PCDHGA10: variants seen among roughly 807,000 people sequenced by gnomAD.
The protein encoded by PCDHGA10 is protocadherin gamma-A10.
A neutral mutation model predicts 59.5 loss-of-function variants in PCDHGA10; 42 were observed. The ratio of observed to expected loss-of-function variants is 0.71; its 90% CI spans 0.55 to 0.91. The LOEUF (loss-of-function observed/expected upper bound fraction) is 0.91. Ranked by LOEUF, PCDHGA10 falls within the 40% of genes least tolerant of loss-of-function variation. The probability of loss-of-function intolerance (pLI) is 0.00; values close to 1 mark genes in which losing one functional copy is unlikely to be tolerated. For synonymous variants in PCDHGA10, 511 were observed against 517.2 expected, an observed-to-expected ratio of 0.99 and a Z score of 0.16; for missense variants, 1,111 against 1,198.2, an observed-to-expected ratio of 0.93 and a Z score of 1.07.
At chr5:141,464,759 ACAGG>A (rs2099090169) in intron 1 of PCDHGA10, among the ~76,000 whole-genome samples, 1 of 152,158 alleles carries the variant, frequency 6.6e-6, no homozygotes, top group Non-Finnish European at 1.5e-5. Context: ...TTTTTTAGAG[ACAGG>A]AATCTTGTTC....
intron 1 of PCDHGA10, among the ~76,000 whole-genome samples, chr5:141,473,942 GC>G (rs1443545533): frequency 1.3e-5 from 2 of 152,124 alleles, no homozygotes; most frequent in African/African-American, 4.8e-5. Context: ...AGTAGCTCAG[GC>G]CTGTAGTCCC....
At chr5:141,475,987 C>A in intron 1 of PCDHGA10, 2 of 1,101,540 alleles carry the variant, frequency 1.8e-6, no homozygotes, top group Non-Finnish European at 2.6e-6. Flanking sequence ...AGCCGGCGAG[C>A]AAATCAACGG....
intron 1 of PCDHGA10, chr5:141,416,346 T>A (rs2096017940): frequency 6.6e-6 from 1 of 152,238 alleles, no homozygotes; most frequent in African/African-American, 2.4e-5. Flanking sequence ...TCAATAGGGA[T>A]CCTGAGGAGG....
At chr5:141,442,111 C>G (rs1265830634) in intron 1 of PCDHGA10, 1 of 166,236 alleles carries the variant, frequency 6.0e-6, no homozygotes, top group Non-Finnish European at 1.3e-5. Context: ...CACTACCGCC[C>G]CTCGTCGCCG....
At chr5:141,449,212 GT>G (rs1405401595) in intron 1 of PCDHGA10, among the ~76,000 whole-genome samples, 1 of 152,134 alleles carries the variant, frequency 6.6e-6, no homozygotes, top group African/African-American at 2.4e-5. Context: ...CTAACTTTCT[GT>G]TTTGAAATGA....
intron 1 of PCDHGA10, chr5:141,427,957 C>T: frequency 2.5e-6 from 4 of 1,588,402 alleles, no homozygotes; most frequent in South Asian, 1.1e-5. Context: ...GACAATGTGC[C>T]GCGGGTGCTG....
In PCDHGA10 at chr5:141,510,353, C is replaced by G. The variant is rs74759939; in HGVS notation, c.2585-594C>G. On this transcript the variant is annotated intron_variant, in intron 3 of 3. Transcript: ENST00000398610. ...CACCCCCACCCCACACACTTACTAA[C>G]GGAACTACCGAATCTCTACTCGTGC... is the stretch of plus-strand genomic sequence containing the variant. Among the ~76,000 whole-genome samples the G allele has an allele frequency of 1.9e-4, 28 of 146,588 alleles. No homozygotes were observed. The East Asian group carries it at 5.6e-3, about 29-fold the overall frequency.
At chr5:141,509,823 TTCTC>T (rs2099878456) in intron 3 of PCDHGA10, among the ~76,000 whole-genome samples, 1 of 152,170 alleles carries the variant, frequency 6.6e-6, no homozygotes, top group Non-Finnish European at 1.5e-5. Flanking sequence ...CTTCTCCATC[TTCTC>T]TCTACCTCCC....
Position 141,415,438 on chromosome 5 carries a change from C to A in PCDHGA10, c.2263C>A (p.Gln755Lys). ...CGTGGACGGGGTTCGGGCTTTCCTG[C>A]AGACCTATTCCCACGAGGTCTCTCT... ...VGVDGVRAFLQTYSHEVSLTA... is the reference protein window; with the variant it reads ...VGVDGVRAFLKTYSHEVSLTA... Residue 755 changes from glutamine (Q) to lysine (K), a missense_variant, in exon 1 of 4, where the codon CAG becomes AAG. Transcript: ENST00000398610. 6.2e-7 allele frequency: 1 copy of A among 1,614,218 alleles called. No individual in the cohort carries two copies. The highest frequency in any genetic ancestry group is 1.1e-5 in the South Asian group (1 of 91,086).
At position 141,491,899 on chromosome 5, in the gene PCDHGA10, G is replaced by A; in HGVS notation, c.2437-2908G>A. The A allele has an allele frequency of 7.0e-7, 1 of 1,433,322 alleles. No homozygotes were observed. Among genetic ancestry groups the A allele is most frequent in the South Asian group, 1.5e-5 (1 of 67,156 alleles). The allele number at this position is 1,433,322 out of a possible 1,614,324, so 88.8% of individuals were successfully genotyped here. A position where few individuals can be genotyped will look rare whatever the true frequency, so the allele number is the denominator to read the frequency against. On this transcript the variant is annotated intron_variant, in intron 1 of 3. Coordinates refer to ENST00000398610, the MANE Select transcript of PCDHGA10 (RefSeq NM_018913.3). The surrounding 1 kb of genome is among the most constrained non-coding windows in gnomAD (Gnocchi z 6.9). ...TTAAGGGATGGGGCTCCGAGCACCG[G>A]GGGTGGTGGCGACTGTGGGCGAGGG... is the stretch of plus-strand genomic sequence containing the variant.
intron 1 of PCDHGA10, among the ~76,000 whole-genome samples, chr5:141,474,412 C>A (rs1282336092): frequency 6.6e-6 from 1 of 152,220 alleles, no homozygotes; most frequent in Non-Finnish European, 1.5e-5. Flanking sequence ...CCGGTGATGC[C>A]TAGACCATTG....
chr5:141,485,676 G>A lies in PCDHGA10; in HGVS notation c.2437-9131G>A. The A allele has an allele frequency of 6.2e-7, 1 of 1,612,928 alleles. No individual in the cohort carries two copies. The highest frequency in any genetic ancestry group is 2.2e-5 in the East Asian group (1 of 44,848). On this transcript the variant is annotated intron_variant, in intron 1 of 3. Coordinates refer to ENST00000398610, the MANE Select transcript of PCDHGA10 (RefSeq NM_018913.3). This position sits in a 1 kb window ranked among gnomAD's most constrained non-coding sequence, Gnocchi z 5.7. ...GCAGATGTGGGGAGCAATTCGATTA[G>A]CAGCTATAGGCTGAGCTCCAATGAA...
intron 1 of PCDHGA10, among the ~76,000 whole-genome samples, chr5:141,460,117 T>G (rs1454761302): frequency 6.6e-6 from 1 of 151,982 alleles, no homozygotes; most frequent in Non-Finnish European, 1.5e-5. Context: ...ATGATTTTTA[T>G]ATATGTAATA....
At chr5:141,464,120 C>G (rs1297254980) in intron 1 of PCDHGA10, among the ~76,000 whole-genome samples, 1 of 151,976 alleles carries the variant, frequency 6.6e-6, no homozygotes, top group African/African-American at 2.4e-5. Flanking sequence ...CAAAAATTAG[C>G]TGGGTGTGGT....
At chr5:141,508,604 A>G (rs2099870124) in intron 3 of PCDHGA10, among the ~76,000 whole-genome samples, 1 of 152,150 alleles carries the variant, frequency 6.6e-6, no homozygotes, top group African/African-American at 2.4e-5. Flanking sequence ...TCTTGGGTGC[A>G]CATAGGACGT....
rs1192899612 is a variant in PCDHGA10, at chr5:141,413,151, T to C, written c.-25T>C. On this transcript the variant is annotated 5_prime_UTR_variant, in exon 1 of 4. Coordinates refer to ENST00000398610, the MANE Select transcript of PCDHGA10 (RefSeq NM_018913.3). ...CACACAACGTGTCCAGTGAGGACTTTGCAGAATTCTGTAACCAGACTACAA... is the reference window on the plus strand; with the variant it reads ...CACACAACGTGTCCAGTGAGGACTTCGCAGAATTCTGTAACCAGACTACAA... The C allele has an allele frequency of 3.2e-6, 5 of 1,573,560 alleles. No homozygotes were observed. Among genetic ancestry groups the C allele is most frequent in the South Asian group, 1.2e-5 (1 of 84,742 alleles).
At chr5:141,436,991 T>G (rs1016670604) in intron 1 of PCDHGA10, among the ~76,000 whole-genome samples, 2 of 152,238 alleles carry the variant, frequency 1.3e-5, no homozygotes, top group African/African-American at 4.8e-5. Flanking sequence ...AGAAGCAGTT[T>G]ACTTCAATGG....
At chr5:141,510,910 A>T (rs780792326) in intron 3 of PCDHGA10, 37 bp from the exon 4 acceptor site, 1 of 1,613,740 alleles carries the variant, frequency 6.2e-7, no homozygotes, top group East Asian at 2.2e-5. Flanking sequence ...GAGGACCCTA[A>T]GTTTAGCTCC....
intron 1 of PCDHGA10, chr5:141,419,142 G>A (rs1351034238): frequency 6.2e-7 from 1 of 1,613,902 alleles, no homozygotes; most frequent in Non-Finnish European, 8.5e-7. Context: ...ACAGACAGGG[G>A]CAAGCCTCCG....
Sources: gnomAD v4.1 joint callset for allele counts (sites outside exome capture counted in the v4.1 genomes callset) on GRCh38, gnomAD v4.1.1 for gene constraint, Gnocchi (gnomAD v3.1) non-coding constraint, MANE v1.5 for transcripts, NCBI Gene and HGNC (gene_info 2026-07-23, HGNC 2026-07-21) for gene names.